The following ARHGAP12 variants were observed in gnomAD, a reference collection of about 807,000 sequenced individuals.
The protein encoded by ARHGAP12 is Rho GTPase activating protein 12, also known as rho GTPase-activating protein 12.
In ARHGAP12, 64 loss-of-function variants were observed where a neutral mutation model predicts 108.6. That is an observed-to-expected ratio of 0.59 (90% CI 0.48 to 0.73). The LOEUF (loss-of-function observed/expected upper bound fraction) is 0.73. Among genes scored for constraint, ARHGAP12 ranks in the 30% least tolerant of loss-of-function variants. The pLI is 0.00. For synonymous variants in ARHGAP12, 312 were observed against 337.2 expected, an observed-to-expected ratio of 0.93 and a Z score of 0.82; for missense variants, 940 against 1,005.9, an observed-to-expected ratio of 0.93 and a Z score of 0.89.
At chr10:31,878,241 C>A (rs796776635) in intron 3 of ARHGAP12, among the ~76,000 whole-genome samples, 70 of 152,078 alleles carry the variant, frequency 4.6e-4, no homozygotes, top group African/African-American at 1.5e-3. Context: ...AATTCACCAC[C>A]CAATTTTAAC....
intron 3 of ARHGAP12, among the ~76,000 whole-genome samples, chr10:31,863,512 A>G (rs963884414): frequency 6.6e-6 from 1 of 152,212 alleles, no homozygotes; most frequent in African/African-American, 2.4e-5. Flanking sequence ...TTGTTTAAAC[A>G]GTTTAAATTT....
At chr10:31,811,449 G>A (rs926322398) in intron 15 of ARHGAP12, among the ~76,000 whole-genome samples, 8 of 151,360 alleles carry the variant, frequency 5.3e-5, no homozygotes, top group Non-Finnish European at 7.4e-5. Context: ...TTGAAGTGAT[G>A]AATAAGGACA....
chr10:31,860,110 T>C (rs931168086), intron 4 of ARHGAP12, among the ~76,000 whole-genome samples: 1 of 152,172 alleles, frequency 6.6e-6, no homozygotes, highest in Non-Finnish European at 1.5e-5. Context: ...ATGAACAATT[T>C]TTCTATTTTT....
chr10:31,898,415 G>C (rs1396856819), intron 3 of ARHGAP12, among the ~76,000 whole-genome samples: 2 of 152,120 alleles, frequency 1.3e-5, no homozygotes, highest in African/African-American at 2.4e-5. Context: ...ATAATAAAAA[G>C]TATTGACAAG....
intron 1 of ARHGAP12, among the ~76,000 whole-genome samples, chr10:31,926,718 C>A (rs138198096): frequency 6.6e-6 from 1 of 152,166 alleles, no homozygotes; most frequent in African/African-American, 2.4e-5. Context: ...GTAAAGTTCA[C>A]TTTCTATCAG....
chr10:31,908,181 T>C lies in ARHGAP12; in HGVS notation c.675A>G (p.Glu225=), dbSNP rs111379915. 1 of 1,600,372 alleles carries C rather than the reference T, an allele frequency of 6.2e-7. No individual in the cohort carries two copies. The part of the protein sequence containing the change: ...SGDELSSSST[E]QIRATTPPNQ... ...CTATTTTTAATCTTACCCTTATCTG[T>C]TCAGTGGAGCTGCTGCTAAGTTCAT... Residue 225 remains glutamate, a synonymous_variant, in exon 3 of 20, where the codon GAA becomes GAG. Transcript: ENST00000344936.
intron 3 of ARHGAP12, among the ~76,000 whole-genome samples, chr10:31,862,705 GACA>G (rs1837165457): frequency 3.8e-5 from 5 of 133,096 alleles, no homozygotes; most frequent in Non-Finnish European, 8.1e-5. Flanking sequence ...TGCACACACA[GACA>G]CACACACACA....
At position 31,859,248 on chromosome 10, in the gene ARHGAP12, C is replaced by T. The variant is rs571285773; in HGVS notation, c.948+2147G>A. Among the ~76,000 whole-genome samples, 7 of 152,244 alleles carry T rather than the reference C, an allele frequency of 4.6e-5. No individual in the cohort carries two copies. In the South Asian group the frequency reaches 6.2e-4, roughly 14 times the overall value. Reference sequence around the variant, plus strand: ...ACACCAAGACACAGACAGCCCTTACCGTGTATAGGCAAGAGACCTAAAGAC... The same window carrying T: ...ACACCAAGACACAGACAGCCCTTACTGTGTATAGGCAAGAGACCTAAAGAC... On this transcript the variant is annotated intron_variant, in intron 4 of 19. Transcript: ENST00000344936.
chr10:31,894,653 C>G (rs190619243), intron 3 of ARHGAP12, among the ~76,000 whole-genome samples: 2 of 152,064 alleles, frequency 1.3e-5, no homozygotes, highest in Non-Finnish European at 2.9e-5. Flanking sequence ...GAATCAATAT[C>G]GTGAAAATGG....
At chr10:31,822,224 A>G (rs1835442370) in intron 11 of ARHGAP12, among the ~76,000 whole-genome samples, 1 of 152,232 alleles carries the variant, frequency 6.6e-6, no homozygotes, top group Admixed American at 6.5e-5. Context: ...GGCAAAGGGC[A>G]TGCAACAGGA....
At chr10:31,881,954 G>A (rs1301124177) in intron 3 of ARHGAP12, among the ~76,000 whole-genome samples, 8 of 143,770 alleles carry the variant, frequency 5.6e-5, no homozygotes, top group Middle Eastern at 3.8e-3. Flanking sequence ...TCGCTCTGTC[G>A]CCCAGGCTGG....
Position 31,861,678 on chromosome 10 carries a change from A to G in ARHGAP12, c.685-20T>C, listed in dbSNP as rs1460134330. 1 of 1,564,608 alleles carries G rather than the reference A, an allele frequency of 6.4e-7. No individual in the cohort carries two copies. Among genetic ancestry groups the G allele is most frequent in the African/African-American group, 1.4e-5 (1 of 72,582 alleles). On this transcript the variant is annotated intron_variant, in intron 3 of 19. Coordinates refer to ENST00000344936, the MANE Select transcript of ARHGAP12 (RefSeq NM_018287.7). ...GGTTGCCTGTGAAATAAACATTTTT[A>G]AATTTCATGTTTAAACTGGTATAAC...
At position 31,908,568 on chromosome 10, in the gene ARHGAP12, C is replaced by T. The variant is rs1308143985; in HGVS notation, c.288G>A (p.Gln96=). 6.2e-7 allele frequency: 1 copy of T among 1,614,180 alleles called. No individual in the cohort carries two copies. Among genetic ancestry groups the T allele is most frequent in the Non-Finnish European group, 8.5e-7 (1 of 1,180,048 alleles). Reference sequence around the variant, plus strand: ...CTGTTGATCTCTGAAGATGCAAACTCTGCATTATTTTCGTGGAGTTATTTG... The same window carrying T: ...CTGTTGATCTCTGAAGATGCAAACTTTGCATTATTTTCGTGGAGTTATTTG... ...GLPNNSTKIM[Q]SLHLQRSTEN... is the part of the protein sequence containing the mutation. The change falls in exon 3 of 20, where the codon CAG becomes CAA. Residue 96 remains glutamine (Q), a synonymous_variant. Transcript: ENST00000344936.
At chr10:31,820,281 G>T in intron 12 of ARHGAP12, 106 bp downstream of exon 12, 1 of 760,374 alleles carries the variant, frequency 1.3e-6, no homozygotes, top group Non-Finnish European at 2.0e-6. Flanking sequence ...CACCAACTTT[G>T]CCTTAACTAG....
intron 3 of ARHGAP12, among the ~76,000 whole-genome samples, chr10:31,871,697 T>C (rs78245115): frequency 0.014 from 2,203 of 152,330 alleles, 56 homozygotes; most frequent in African/African-American, 0.051. Flanking sequence ...AAGCAGATTA[T>C]TGCAGCAATC....
chr10:31,898,144 G>A (rs1742018279), intron 3 of ARHGAP12, among the ~76,000 whole-genome samples: 1 of 152,078 alleles, frequency 6.6e-6, no homozygotes, highest in Non-Finnish European at 1.5e-5. Flanking sequence ...GAATGGGAGA[G>A]GGGAGAAAAT....
chr10:31,913,092 G>A (rs1163049856), intron 1 of ARHGAP12: 1 of 152,274 alleles, frequency 6.6e-6, no homozygotes, highest in South Asian at 2.1e-4. Context: ...GTGTGAGCCA[G>A]AAAGGCACTG....
chr10:31,814,436 A>G, intron 13 of ARHGAP12, 75 bp from the exon 14 acceptor site: 1 of 1,204,504 alleles, frequency 8.3e-7, no homozygotes, highest in Non-Finnish European at 1.2e-6. Flanking sequence ...AATTCTCACA[A>G]TGACTATTGT....
intron 3 of ARHGAP12, among the ~76,000 whole-genome samples, chr10:31,902,767 C>T (rs886663270): frequency 6.6e-6 from 1 of 151,974 alleles, no homozygotes; most frequent in Non-Finnish European, 1.5e-5. Flanking sequence ...GGATCTAAGG[C>T]TTCTGTGATG....
Sources: allele counts gnomAD v4.1 joint callset (sites outside exome capture counted in the v4.1 genomes callset), GRCh38; gene constraint gnomAD v4.1.1; transcripts MANE v1.5; gene names NCBI Gene and HGNC (gene_info 2026-07-23, HGNC 2026-07-21).